Variants in DLEC1 observed in about 807,000 individuals in gnomAD.
DLEC1 encodes DLEC1 cilia and flagella associated protein.
In DLEC1, 146 loss-of-function variants were observed where a neutral mutation model predicts 198.1. The observed-to-expected ratio is 0.74, with a 90% CI of 0.64 to 0.85. The LOEUF (loss-of-function observed/expected upper bound fraction) is 0.85, where lower values mean the gene tolerates loss of function less well. Among genes scored for constraint, DLEC1 ranks in the 40% least tolerant of loss-of-function variants. DLEC1 has a pLI of 0.00. For synonymous variants in DLEC1, 897 were observed against 866.8 expected (o/e 1.03, Z -0.61); for missense variants, 2,233 against 2,220.0 (o/e 1.01, Z -0.12).
chr3:38,091,046 C>T (rs1169988500), intron 10 of DLEC1, among the ~76,000 whole-genome samples: 1 of 152,028 alleles, frequency 6.6e-6, no homozygotes, highest in Non-Finnish European at 1.5e-5. Context: ...CAAAAATTAA[C>T]TTATTAATAA....
chr3:38,087,830 C>G (rs970873333), intron 9 of DLEC1, among the ~76,000 whole-genome samples: 1 of 152,210 alleles, frequency 6.6e-6, no homozygotes, highest in Non-Finnish European at 1.5e-5. Flanking sequence ...CTGCAGCTCT[C>G]GTGCCTCAGG....
At position 38,097,540 on chromosome 3, in the gene DLEC1, T is replaced by C. The variant is rs770650536; in HGVS notation, c.2468T>C (p.Phe823Ser). ...GAGGTCGGGGATTTTGAGTTGAACTTTACTGGGGGTGTCCCTGGCCCCACA... is the reference window on the plus strand; with the variant it reads ...GAGGTCGGGGATTTTGAGTTGAACTCTACTGGGGGTGTCCCTGGCCCCACA... Reference protein sequence around the residue: ...PSEVGDFELNFTGGVPGPTSQ... With the variant: ...PSEVGDFELNSTGGVPGPTSQ... The change falls in exon 17 of 37, where the codon TTT becomes TCT. Residue 823 changes from phenylalanine to serine, a missense_variant. Coordinates refer to ENST00000308059, the MANE Select transcript of DLEC1 (RefSeq NM_007335.4). The C allele has an allele frequency of 1.2e-6, 2 of 1,614,176 alleles. No individual in the cohort carries two copies. Among genetic ancestry groups the C allele is most frequent in the Admixed American group, 3.3e-5 (2 of 60,026 alleles).
At position 38,049,545 on chromosome 3, in the gene DLEC1, A is replaced by G. The variant is rs149195960; in HGVS notation, c.562+3852A>G. ...GCTGGAAACTTGTCCACATTATCCAAGACCTCGCAGAGCCATGCCCAGGAG... is the reference window on the plus strand; with the variant it reads ...GCTGGAAACTTGTCCACATTATCCAGGACCTCGCAGAGCCATGCCCAGGAG... On this transcript the variant is annotated intron_variant, in intron 2 of 36. Coordinates refer to ENST00000308059, the MANE Select transcript of DLEC1 (RefSeq NM_007335.4). 5.3e-3 allele frequency among the ~76,000 whole-genome samples: 812 copies of G among 152,326 alleles called. 11 individuals carry two copies. The highest frequency in any genetic ancestry group is 0.018 in the African/African-American group (729 of 41,580).
chr3:38,053,755 G>A (rs1162495784), intron 2 of DLEC1, among the ~76,000 whole-genome samples: 10 of 152,336 alleles, frequency 6.6e-5, no homozygotes, highest in Non-Finnish European at 1.0e-4. Flanking sequence ...GAATGGAAAA[G>A]GGGGAAATGT....
At chr3:38,116,714 G>A (rs1700186509) in intron 28 of DLEC1, 56 bp downstream of exon 28, 1 of 1,609,912 alleles carries the variant, frequency 6.2e-7, no homozygotes, top group South Asian at 1.1e-5. Context: ...CTGAGGTGTG[G>A]CCAGTAGGCT....
chr3:38,092,865 G>T lies in DLEC1; in HGVS notation c.1741G>T (p.Glu581Ter), dbSNP rs1290589213. The T allele has an allele frequency of 6.2e-7, 1 of 1,614,180 alleles. No homozygotes were observed. Among genetic ancestry groups the T allele is most frequent in the South Asian group, 1.1e-5 (1 of 91,076 alleles). ...IIMCDNCQIK[E>*]LVTIGIGQLI... is the part of the protein sequence containing the mutation. ...CATGTGCGACAACTGCCAGATAAAG[G>T]AGCTGGTGACCATAGGTGGGCTTGA... Residue 581 changes from glutamate to a stop codon, truncating the protein, a stop_gained, in exon 11 of 37, where the codon GAG becomes TAG. Transcript: ENST00000308059. LOFTEE classifies it high-confidence loss of function.
At chr3:38,119,175 G>A (rs1700331046) in intron 33 of DLEC1, among the ~76,000 whole-genome samples, 1 of 152,142 alleles carries the variant, frequency 6.6e-6, no homozygotes, top group Admixed American at 6.5e-5. Context: ...CATAATTAAT[G>A]GTGCTGCATC....
intron 30 of DLEC1, 27 bp downstream of exon 30, chr3:38,117,127 GC>G: frequency 6.2e-7 from 1 of 1,613,826 alleles, no homozygotes; most frequent in Non-Finnish European, 8.5e-7. Flanking sequence ...TGGGGTGGGG[GC>G]CGCAGCCACT....
chr3:38,080,142 C>A (rs887087107), intron 6 of DLEC1, among the ~76,000 whole-genome samples: 1 of 152,132 alleles, frequency 6.6e-6, no homozygotes, highest in African/African-American at 2.4e-5. Context: ...GGAGCATTAA[C>A]CTTGACTATG....
intron 14 of DLEC1, 82 bp from the exon 15 acceptor site, chr3:38,096,487 C>G: frequency 6.7e-7 from 1 of 1,500,276 alleles, no homozygotes; most frequent in Non-Finnish European, 8.9e-7. Flanking sequence ...TTCACAAGGC[C>G]AAACGTGGGA....
At chr3:38,086,895 T>TG (rs1698486108) in intron 9 of DLEC1, among the ~76,000 whole-genome samples, 1 of 151,984 alleles carries the variant, frequency 6.6e-6, no homozygotes, top group South Asian at 2.1e-4. Flanking sequence ...GCCAATATGA[T>TG]GAAACACCGT....
chr3:38,119,553 T>C (rs558059894), intron 33 of DLEC1, among the ~76,000 whole-genome samples: 27 of 152,248 alleles, frequency 1.8e-4, no homozygotes, highest in Admixed American at 1.5e-3. Flanking sequence ...TGGCCTTTTT[T>C]TTTTTAGATT....
rs140045992 is a variant in DLEC1, at chr3:38,074,078, C to T, written c.1174-10080C>T. Among the ~76,000 whole-genome samples, 502 of 152,326 alleles carry T rather than the reference C, an allele frequency of 3.3e-3. 2 individuals carry two copies. Among genetic ancestry groups the T allele is most frequent in the African/African-American group, 0.011 (477 of 41,576 alleles). ...GACATGGCTTGGAAGGAATCCTGGGCTGCAGGCATTCCTTGGCCTAGTGGC... is the reference window on the plus strand; with the variant it reads ...GACATGGCTTGGAAGGAATCCTGGGTTGCAGGCATTCCTTGGCCTAGTGGC... On this transcript the variant is annotated intron_variant, in intron 6 of 36. Coordinates refer to ENST00000308059, the MANE Select transcript of DLEC1 (RefSeq NM_007335.4).
chr3:38,081,708 G>C (rs1575163753), intron 6 of DLEC1, among the ~76,000 whole-genome samples: 1 of 68,426 alleles, frequency 1.5e-5, no homozygotes, highest in Admixed American at 1.3e-4. Flanking sequence ...GGCTGGCCGG[G>C]CTGAGGGGCT....
intron 6 of DLEC1, among the ~76,000 whole-genome samples, chr3:38,075,560 G>A (rs949080515): frequency 1.3e-5 from 2 of 151,990 alleles, no homozygotes; most frequent in East Asian, 1.9e-4. Flanking sequence ...GTAGAGACAC[G>A]GAGGGAAGGG....
chr3:38,062,545 C>G, intron 4 of DLEC1, 36 bp from the exon 5 acceptor site: 2 of 1,610,046 alleles, frequency 1.2e-6, no homozygotes, highest in Non-Finnish European at 1.7e-6. Context: ...AATCCCTTTG[C>G]CTGTCATTGA....
At position 38,053,024 on chromosome 3, in the gene DLEC1, G is replaced by A. The variant is rs377015063; in HGVS notation, c.563-6718G>A. Among the ~76,000 whole-genome samples, 251 of 152,284 alleles carry A rather than the reference G, an allele frequency of 1.6e-3. 3 individuals are homozygous for A. Among genetic ancestry groups the A allele is most frequent in the South Asian group, 0.014 (69 of 4,830 alleles). ...CCGGGCTGGTCTCCAGCTCCTAACCGCGAGTGATCTGCCAGCCTCGGCCTC... is the reference window on the plus strand; with the variant it reads ...CCGGGCTGGTCTCCAGCTCCTAACCACGAGTGATCTGCCAGCCTCGGCCTC... On this transcript the variant is annotated intron_variant, in intron 2 of 36. Coordinates refer to ENST00000308059, the MANE Select transcript of DLEC1 (RefSeq NM_007335.4).
At chr3:38,083,898 G>A (rs1399299581) in intron 6 of DLEC1, among the ~76,000 whole-genome samples, 1 of 151,786 alleles carries the variant, frequency 6.6e-6, no homozygotes, top group Non-Finnish European at 1.5e-5. Context: ...CCAAAGTGCC[G>A]GGATTACAGG....
chr3:38,039,435 G>A lies in DLEC1; in HGVS notation c.210G>A (p.Ala70=), dbSNP rs1435905037. 2 of 1,613,624 alleles carry A rather than the reference G, an allele frequency of 1.2e-6. No individual in the cohort carries two copies. Among genetic ancestry groups the A allele is most frequent in the South Asian group, 2.2e-5 (2 of 91,066 alleles). The part of the protein sequence containing the change: ...AARPRRLTQL[A]LAQRPEPQLL... ...GGCCCCGCCGCCTCACGCAGCTTGC[G>A]CTGGCGCAGCGTCCCGAGCCTCAGC... Residue 70 remains alanine, a synonymous_variant, in exon 1 of 37, where the codon GCG becomes GCA. Transcript: ENST00000308059.
Sources: allele counts gnomAD v4.1 joint callset (sites outside exome capture counted in the v4.1 genomes callset), GRCh38; gene constraint gnomAD v4.1.1; transcripts MANE v1.5; gene names NCBI Gene and HGNC (gene_info 2026-07-23, HGNC 2026-07-21).